The following CDH13 variants were observed in gnomAD, a reference collection of about 807,000 sequenced individuals.
CDH13 encodes cadherin-13.
In CDH13, 24 loss-of-function variants were observed where a neutral mutation model predicts 63.8. The ratio of observed to expected loss-of-function variants is 0.38; its 90% CI spans 0.27 to 0.53. CDH13 has a LOEUF of 0.53. Among genes scored for constraint, CDH13 ranks in the 20% least tolerant of loss-of-function variants. CDH13 has a pLI of 0.85. For missense variants in CDH13, 1,049 were observed against 903.1 expected, an observed-to-expected ratio of 1.16 and a Z score of -2.07; for synonymous variants, 503 against 355.3, an observed-to-expected ratio of 1.42 and a Z score of -4.67.
chr16:83,507,894 T>C (rs1360858253), intron 7 of CDH13, among the ~76,000 whole-genome samples: 3 of 151,250 alleles, frequency 2.0e-5, no homozygotes, highest in African/African-American at 7.3e-5. Context: ...TAGCAGTCCG[T>C]GGTGGCGGGC....
chr16:83,093,149 G>A (rs138518541), intron 3 of CDH13, among the ~76,000 whole-genome samples: 1 of 151,990 alleles, frequency 6.6e-6, no homozygotes. Context: ...CTGCTAAAGC[G>A]AACTTCTTGT....
chr16:82,797,967 T>C (rs564846443), intron 1 of CDH13, among the ~76,000 whole-genome samples: 35 of 152,288 alleles, frequency 2.3e-4, no homozygotes, highest in African/African-American at 7.7e-4. Context: ...TAGTGGTCTC[T>C]CCTGTCACCA....
chr16:83,063,356 T>A (rs996833605), intron 3 of CDH13, among the ~76,000 whole-genome samples: 6 of 152,258 alleles, frequency 3.9e-5, no homozygotes, highest in Admixed American at 6.5e-5. Flanking sequence ...CACCATCAGT[T>A]CCCCTGTGTT....
At chr16:82,801,921 T>C (rs944971975) in intron 1 of CDH13, among the ~76,000 whole-genome samples, 2 of 152,152 alleles carry the variant, frequency 1.3e-5, no homozygotes, top group South Asian at 2.1e-4. Context: ...ATTTGTGAAG[T>C]GATGCAGGAA....
intron 3 of CDH13, among the ~76,000 whole-genome samples, chr16:83,045,633 TTAAA>T (rs1917708976): frequency 1.2e-5 from 1 of 84,502 alleles, no homozygotes; most frequent in African/African-American, 6.3e-5. Context: ...CAAGATTCCT[TTAAA>T]AAAAAAAAAA....
intron 1 of CDH13, among the ~76,000 whole-genome samples, chr16:82,641,495 C>T (rs765147510): frequency 1.3e-5 from 2 of 152,204 alleles, no homozygotes; most frequent in East Asian, 1.9e-4. Context: ...TAAGCACCCT[C>T]CTGCAGATAT....
At chr16:82,633,982 G>C (rs560345751) in intron 1 of CDH13, among the ~76,000 whole-genome samples, 16 of 152,340 alleles carry the variant, frequency 1.1e-4, no homozygotes, top group African/African-American at 3.8e-4. Flanking sequence ...GCCAACAGAA[G>C]TCAAATTCTA....
chr16:83,504,366 A>G (rs572794597), intron 7 of CDH13, among the ~76,000 whole-genome samples: 6 of 152,262 alleles, frequency 3.9e-5, no homozygotes, highest in African/African-American at 1.4e-4. Context: ...TGCATGAAGC[A>G]TTTTGGAGGT....
At chr16:83,376,825 C>T (rs2091468144) in intron 6 of CDH13, among the ~76,000 whole-genome samples, 1 of 152,110 alleles carries the variant, frequency 6.6e-6, no homozygotes. Flanking sequence ...GTAGAAGTGA[C>T]ACTCTGCCAC....
chr16:82,639,330 C>A, intron 1 of CDH13: 1 of 1,487,780 alleles, frequency 6.7e-7, no homozygotes, highest in South Asian at 1.2e-5. Flanking sequence ...CATTTGTGTT[C>A]TTTGTCTCCA....
intron 12 of CDH13, among the ~76,000 whole-genome samples, chr16:83,782,386 C>G (rs763262957): frequency 6.6e-6 from 1 of 152,064 alleles, no homozygotes; most frequent in Non-Finnish European, 1.5e-5. Flanking sequence ...GATCCAGTCT[C>G]TATGTTGCGG....
At chr16:82,963,891 T>G (rs542635982) in intron 2 of CDH13, among the ~76,000 whole-genome samples, 1 of 152,104 alleles carries the variant, frequency 6.6e-6, no homozygotes, top group Admixed American at 6.5e-5. Context: ...GAAAGCCAGG[T>G]CGGAGAATAG....
intron 8 of CDH13, among the ~76,000 whole-genome samples, chr16:83,666,675 C>T (rs546366494): frequency 2.0e-5 from 3 of 152,298 alleles, no homozygotes; most frequent in African/African-American, 2.4e-5. Context: ...TGGCTCTTCC[C>T]GCCACCTGGC....
intron 8 of CDH13, among the ~76,000 whole-genome samples, chr16:83,649,476 C>T (rs76194283): frequency 0.096 from 14,604 of 152,158 alleles, 878 homozygotes; most frequent in Non-Finnish European, 0.13. Context: ...TTCTTTGTTA[C>T]GCATGTTGTG....
At chr16:82,812,330 G>T (rs1385919790) in intron 1 of CDH13, among the ~76,000 whole-genome samples, 2 of 152,270 alleles carry the variant, frequency 1.3e-5, no homozygotes, top group South Asian at 2.1e-4. Context: ...ATTGAAGCTT[G>T]CATCCTATTT....
At chr16:82,811,902 G>A (rs2037463135) in intron 1 of CDH13, among the ~76,000 whole-genome samples, 1 of 152,104 alleles carries the variant, frequency 6.6e-6, no homozygotes, top group African/African-American at 2.4e-5. Context: ...CCATGAGTTT[G>A]GTTAGGGCCT....
At chr16:83,720,606 G>A (rs1303293948) in intron 10 of CDH13, among the ~76,000 whole-genome samples, 1 of 152,036 alleles carries the variant, frequency 6.6e-6, no homozygotes, top group Non-Finnish European at 1.5e-5. Flanking sequence ...CACAAGGGGA[G>A]CCCAGAAATG....
intron 8 of CDH13, among the ~76,000 whole-genome samples, chr16:83,649,991 C>T (rs1312266893): frequency 6.6e-6 from 1 of 152,178 alleles, no homozygotes; most frequent in South Asian, 2.1e-4. Context: ...AGTCTGAACA[C>T]GTTCTAATTG....
At chr16:83,188,760 A>T (rs2038605742) in intron 4 of CDH13, among the ~76,000 whole-genome samples, 1 of 152,238 alleles carries the variant, frequency 6.6e-6, no homozygotes, top group Non-Finnish European at 1.5e-5. Flanking sequence ...TTAGAAATTG[A>T]GGTGGTTAGG....
Sources: allele counts gnomAD v4.1 joint callset (sites outside exome capture counted in the v4.1 genomes callset), GRCh38; gene constraint gnomAD v4.1.1; transcripts MANE v1.5; gene names NCBI Gene and HGNC (gene_info 2026-07-23, HGNC 2026-07-21).